ATOH8: variants seen among roughly 807,000 people sequenced by gnomAD.
ATOH8 encodes transcription factor ATOH8.
A neutral mutation model predicts 21.2 loss-of-function variants in ATOH8; 9 were observed. That is an observed-to-expected ratio of 0.42 (90% CI 0.26 to 0.74). ATOH8 has a LOEUF of 0.74. Ranked by LOEUF, ATOH8 falls within the 30% of genes least tolerant of loss-of-function variation. The pLI, the probability that ATOH8 is intolerant of heterozygous loss-of-function variation, is 0.24. For missense variants in ATOH8, 524 were observed against 470.9 expected, an observed-to-expected ratio of 1.11 and a Z score of -1.04; for synonymous variants, 253 against 224.0, an observed-to-expected ratio of 1.13 and a Z score of -1.16.
chr2:85,784,390 A>G (rs2104537696), intron 2 of ATOH8, among the ~76,000 whole-genome samples: 1 of 152,138 alleles, frequency 6.6e-6, no homozygotes, highest in Admixed American at 6.5e-5. Flanking sequence ...ATAAAATAAA[A>G]AATTAGCCAG....
intron 2 of ATOH8, chr2:85,774,599 C>A (rs1680274957): frequency 1.0e-6 from 1 of 985,514 alleles, no homozygotes; most frequent in Non-Finnish European, 1.2e-6. Flanking sequence ...GGCTGTCAGC[C>A]CCACCAGAGC....
chr2:85,784,592 G>C (rs1420327784), intron 2 of ATOH8, among the ~76,000 whole-genome samples: 1 of 149,846 alleles, frequency 6.7e-6, no homozygotes, highest in African/African-American at 2.5e-5. Flanking sequence ...ACACAAATTT[G>C]TTTACTGCAG....
chr2:85,782,870 A>G (rs1680532214), intron 2 of ATOH8, among the ~76,000 whole-genome samples: 2 of 152,094 alleles, frequency 1.3e-5, no homozygotes, highest in South Asian at 4.1e-4. Flanking sequence ...TAATTTTTGT[A>G]TTTTTAGTAG....
At position 85,757,472 on chromosome 2, in the gene ATOH8, C is replaced by T. The variant is rs1049079162; in HGVS notation, c.768+2515C>T. Reference sequence around the variant, plus strand: ...AAATGGACAAAAGGCAGATCAGCTCCGCCTGAAATGGGGCCTTGGCCAGTG... The same window carrying T: ...AAATGGACAAAAGGCAGATCAGCTCTGCCTGAAATGGGGCCTTGGCCAGTG... On this transcript the variant is annotated intron_variant, in intron 1 of 2. Coordinates refer to ENST00000306279, the MANE Select transcript of ATOH8 (RefSeq NM_032827.7). 3.4e-4 allele frequency among the ~76,000 whole-genome samples: 52 copies of T among 152,346 alleles called. 1 individual carries two copies. Among genetic ancestry groups the T allele is most frequent in the Admixed American group, 1.1e-3 (17 of 15,304 alleles).
Position 85,754,518 on chromosome 2 carries a change from G to A in ATOH8, c.329G>A (p.Arg110His). ...CCCGAGGTCTCCGACGCGCGGAAAC[G>A]CTGCTTCGCCCTAGGCGCAGTGGGG... ...RAPEVSDARK[R>H]CFALGAVGPG... Residue 110 changes from arginine to histidine, a missense_variant, in exon 1 of 3, where the codon CGC becomes CAC. By Grantham distance (29) the Arg-to-His change is conservative (BLOSUM62 0). Coordinates refer to ENST00000306279, the MANE Select transcript of ATOH8 (RefSeq NM_032827.7). 1.4e-6 allele frequency: 2 copies of A among 1,426,832 alleles called. No individual in the cohort carries two copies. The highest frequency in any genetic ancestry group is 1.8e-6 in the Non-Finnish European group (2 of 1,099,930). The allele number at this position is 1,426,832 out of a possible 1,614,324, so 88.4% of individuals were successfully genotyped here.
At chr2:85,763,070 G>A (rs372919586) in intron 1 of ATOH8, among the ~76,000 whole-genome samples, 258 of 152,244 alleles carry the variant, frequency 1.7e-3, no homozygotes, top group African/African-American at 5.7e-3. Context: ...AGGAGCCATC[G>A]TTGCTGGATT....
At chr2:85,779,717 A>G (rs1680432031) in intron 2 of ATOH8, among the ~76,000 whole-genome samples, 1 of 152,240 alleles carries the variant, frequency 6.6e-6, no homozygotes, top group South Asian at 2.1e-4. Context: ...GCCTAGGGCA[A>G]GTGAGGTCAC....
chr2:85,778,846 G>A (rs1680406585), intron 2 of ATOH8, among the ~76,000 whole-genome samples: 1 of 152,228 alleles, frequency 6.6e-6, no homozygotes, highest in Non-Finnish European at 1.5e-5. Context: ...GGGGGTGTCT[G>A]TGTAAGGATC....
rs1478086918 is a variant in ATOH8, at chr2:85,754,157, C to A, written c.-33C>A. On this transcript the variant is annotated 5_prime_UTR_variant, in exon 1 of 3. Coordinates refer to ENST00000306279, the MANE Select transcript of ATOH8 (RefSeq NM_032827.7). ...CTGAGCGCGGCGGCGGCCCGGGCAGCCCCACGCCCCTGCCTCGCGCGCCGC... is the reference window on the plus strand; with the variant it reads ...CTGAGCGCGGCGGCGGCCCGGGCAGACCCACGCCCCTGCCTCGCGCGCCGC... The A allele has an allele frequency of 2.0e-6, 3 of 1,480,726 alleles. No homozygotes were observed. Among genetic ancestry groups the A allele is most frequent in the African/African-American group, 3.0e-5 (2 of 67,404 alleles). The allele number at this position is 1,480,726 out of a possible 1,614,324, so 91.7% of individuals were successfully genotyped here.
intron 2 of ATOH8, among the ~76,000 whole-genome samples, chr2:85,765,240 C>T (rs938778026): frequency 1.6e-4 from 25 of 152,200 alleles, no homozygotes; most frequent in East Asian, 5.8e-4. Context: ...CCATTCTTTC[C>T]GCTGCCTCCT....
intron 1 of ATOH8, among the ~76,000 whole-genome samples, chr2:85,761,159 T>C (rs924953982): frequency 4.6e-5 from 7 of 152,286 alleles, no homozygotes; most frequent in Admixed American, 4.6e-4. Flanking sequence ...GTGTCCCTTA[T>C]GTGGCTACCT....
intron 1 of ATOH8, 135 bp from the exon 2 acceptor site, chr2:85,763,856 G>GTGTT: frequency 1.4e-6 from 1 of 694,736 alleles, no homozygotes; most frequent in Non-Finnish European, 2.5e-6. Context: ...GTGTGTGTGT[G>GTGTT]TAAACAGCAG....
chr2:85,765,633 G>A (rs1286380949), intron 2 of ATOH8, among the ~76,000 whole-genome samples: 1 of 152,294 alleles, frequency 6.6e-6, no homozygotes, highest in East Asian at 1.9e-4. Context: ...GCATTCAGGC[G>A]GTCCGGAGGT....
chr2:85,765,274 C>T (rs575842830), intron 2 of ATOH8, among the ~76,000 whole-genome samples: 1 of 152,230 alleles, frequency 6.6e-6, no homozygotes, highest in Non-Finnish European at 1.5e-5. Flanking sequence ...GCCCCTCCCC[C>T]ATCCCTGACA....
chr2:85,767,357 C>G (rs570720596), intron 2 of ATOH8, among the ~76,000 whole-genome samples: 92 of 151,938 alleles, frequency 6.1e-4, no homozygotes, highest in Admixed American at 1.2e-3. Context: ...TCACAGCGCT[C>G]AGTCCTGCCA....
chr2:85,768,067 G>T (rs1680070464), intron 2 of ATOH8, among the ~76,000 whole-genome samples: 1 of 151,978 alleles, frequency 6.6e-6, no homozygotes, highest in South Asian at 2.1e-4. Flanking sequence ...CGTGGGCCCA[G>T]TTTGAGTCTG....
chr2:85,759,263 C>T (rs745541806), intron 1 of ATOH8, among the ~76,000 whole-genome samples: 1 of 152,210 alleles, frequency 6.6e-6, no homozygotes, highest in Non-Finnish European at 1.5e-5. Flanking sequence ...ACCATCCTCT[C>T]GGGCAACGAG....
intron 1 of ATOH8, among the ~76,000 whole-genome samples, chr2:85,756,561 T>G (rs1197088338): frequency 6.6e-6 from 1 of 152,236 alleles, no homozygotes; most frequent in Non-Finnish European, 1.5e-5. Flanking sequence ...CTCTGTATGC[T>G]GAGAGAATAC....
chr2:85,783,884 A>T (rs1366110119), intron 2 of ATOH8, among the ~76,000 whole-genome samples: 1 of 151,408 alleles, frequency 6.6e-6, no homozygotes, highest in African/African-American at 2.4e-5. Context: ...ACTTATGAAG[A>T]GGTATCATTG....
Sources: gnomAD v4.1 joint callset for allele counts (sites outside exome capture counted in the v4.1 genomes callset) on GRCh38, gnomAD v4.1.1 for gene constraint, MANE v1.5 for transcripts, NCBI Gene and HGNC (gene_info 2026-07-23, HGNC 2026-07-21) for gene names.